Variants in LZTFL1 observed in about 807,000 individuals in gnomAD.
LZTFL1 encodes the protein leucine zipper transcription factor like 1.
Under a neutral mutation model 45.9 loss-of-function variants are expected in LZTFL1, and 25 were observed. That is an observed-to-expected ratio of 0.54 (90% CI 0.40 to 0.76). The LOEUF (loss-of-function observed/expected upper bound fraction) is 0.76, where lower values mean the gene tolerates loss of function less well. Ranked by LOEUF, LZTFL1 falls within the 30% of genes least tolerant of loss-of-function variation. The pLI, the probability that LZTFL1 is intolerant of heterozygous loss-of-function variation, is 0.00. For missense variants in LZTFL1, 277 were observed against 331.1 expected (o/e 0.84, Z 1.27); for synonymous variants, 93 against 117.4 (o/e 0.79, Z 1.35).
chr3:45,907,774 GA>G (rs2125770574), intron 2 of LZTFL1, among the ~76,000 whole-genome samples: 2 of 152,250 alleles, frequency 1.3e-5, no homozygotes, highest in South Asian at 4.2e-4. Flanking sequence ...CCTACTGATT[GA>G]TCCTCTGACT....
intron 2 of LZTFL1, among the ~76,000 whole-genome samples, chr3:45,881,142 C>T (rs1438328887): frequency 1.3e-5 from 2 of 152,220 alleles, no homozygotes; most frequent in Non-Finnish European, 2.9e-5. Flanking sequence ...TTGAGGATGA[C>T]ACATATTTCC....
chr3:45,845,666 C>T (rs374646244), upstream of LZTFL1, among the ~76,000 whole-genome samples: 2 of 152,164 alleles, frequency 1.3e-5, no homozygotes, highest in African/African-American at 4.8e-5. Flanking sequence ...TGTGGGTCTT[C>T]CTAGATCTGT....
intron 2 of LZTFL1, among the ~76,000 whole-genome samples, chr3:45,903,863 G>C (rs1166567316): frequency 1.3e-5 from 2 of 152,218 alleles, no homozygotes; most frequent in Non-Finnish European, 2.9e-5. Context: ...GCCATCCATT[G>C]ACCATTTCCA....
Position 45,901,417 on chromosome 3 carries a change from T to G in LZTFL1, c.-215+11703A>C. ...TACCCTAGCGATGAGAGCACCAAAC[T>G]GAAGTCAGCTGTCTTGACCCTGAAG... On this transcript the variant is annotated intron_variant, in intron 2 of 4. Transcript: ENST00000472635. The surrounding 1 kb of genome is among the most constrained non-coding windows in gnomAD (Gnocchi z 4.3). 6.2e-7 allele frequency: 1 copy of G among 1,614,206 alleles called. No homozygotes were observed. The highest frequency in any genetic ancestry group is 8.5e-7 in the Non-Finnish European group (1 of 1,180,028).
chr3:45,904,020 G>A (rs1040310867), intron 2 of LZTFL1, among the ~76,000 whole-genome samples: 1 of 152,168 alleles, frequency 6.6e-6, no homozygotes, highest in African/African-American at 2.4e-5. Context: ...CTGATGCTCT[G>A]TCATGGGAGT....
rs1415054301 is a variant in LZTFL1, at chr3:45,901,287, A to G, written c.-215+11833T>C. On this transcript the variant is annotated intron_variant, in intron 2 of 4. Transcript: ENST00000472635. This position sits in a 1 kb window ranked among gnomAD's most constrained non-coding sequence, Gnocchi z 4.3. ...GGAGAAAAGGCTTTTGTACAGCAAAATGGTTTGCTTTACCATCTGGGTATT... is the reference window on the plus strand; with the variant it reads ...GGAGAAAAGGCTTTTGTACAGCAAAGTGGTTTGCTTTACCATCTGGGTATT... The G allele has an allele frequency of 1.2e-5, 19 of 1,614,208 alleles. No individual in the cohort carries two copies. The highest frequency in any genetic ancestry group is 1.6e-5 in the Non-Finnish European group (19 of 1,180,038).
Position 45,890,345 on chromosome 3 carries a change from TATAAC to T in LZTFL1, c.-215+22770_-215+22774del, listed in dbSNP as rs1163853050. 2.7e-5 allele frequency among the ~76,000 whole-genome samples: 2 copies of T among 74,876 alleles called. 1 individual carries two copies. Among genetic ancestry groups the T allele is most frequent in the Non-Finnish European group, 4.2e-5 (2 of 47,916 alleles). 49.1% of individuals were successfully genotyped at this position (74,876 alleles called of 152,430 possible). A position where few individuals can be genotyped will look rare whatever the true frequency, so the allele number is the denominator to read the frequency against. ...TATAAATATATATATAACATATATA[TATAAC>T]ATATATATATATATAACATATATAA... On this transcript the variant is annotated intron_variant, in intron 2 of 4. Transcript: ENST00000472635.
At position 45,896,785 on chromosome 3, in the gene LZTFL1, C is replaced by T. The variant is rs185066682; in HGVS notation, c.-215+16335G>A. Among the ~76,000 whole-genome samples, 269 of 152,310 alleles carry T rather than the reference C, an allele frequency of 1.8e-3. 1 individual carries two copies. The highest frequency in any genetic ancestry group is 1.6e-3 in the Non-Finnish European group (107 of 68,034). On this transcript the variant is annotated intron_variant, in intron 2 of 4. Coordinates refer to the LZTFL1 transcript ENST00000472635. ...TTCCCCACCTCCCTCCTTCTTGTGC[C>T]CTCTCTTATTCCATCTCCCCCATTG...
intron 2 of LZTFL1, among the ~76,000 whole-genome samples, chr3:45,876,527 C>A (rs929185672): frequency 4.0e-5 from 6 of 150,856 alleles, no homozygotes; most frequent in African/African-American, 1.2e-4. Flanking sequence ...CTGGATAGAC[C>A]CCAGAGGTAA....
At chr3:45,893,947 G>A (rs1199547461) in intron 2 of LZTFL1, among the ~76,000 whole-genome samples, 1 of 152,210 alleles carries the variant, frequency 6.6e-6, no homozygotes, top group Non-Finnish European at 1.5e-5. Context: ...TCATGATGTT[G>A]TTATGGAAAG....
chr3:45,838,616 G>A (rs1215667903), intron 1 of LZTFL1, among the ~76,000 whole-genome samples: 1 of 152,210 alleles, frequency 6.6e-6, no homozygotes, highest in Non-Finnish European at 1.5e-5. Flanking sequence ...ATTTGATTTG[G>A]AAAGAACCAC....
At chr3:45,877,748 T>G (rs1304938107) in intron 2 of LZTFL1, among the ~76,000 whole-genome samples, 3 of 151,378 alleles carry the variant, frequency 2.0e-5, no homozygotes, top group Admixed American at 6.6e-5. Flanking sequence ...TTAGTTTTTT[T>G]TTTTTTTTTT....
chr3:45,914,319 C>T (rs983296889), intron 1 of LZTFL1, among the ~76,000 whole-genome samples: 3 of 150,076 alleles, frequency 2.0e-5, no homozygotes, highest in Non-Finnish European at 4.4e-5. Context: ...CAGGGTCTCA[C>T]TCTGTCCCCC....
At chr3:45,872,479 C>T (rs1382309694) in intron 2 of LZTFL1, among the ~76,000 whole-genome samples, 1 of 152,028 alleles carries the variant, frequency 6.6e-6, no homozygotes, top group Non-Finnish European at 1.5e-5. Flanking sequence ...AATTTATGAG[C>T]GTAGTGAGAT....
exon 2 of LZTFL1, chr3:45,913,150 T>C: frequency 6.5e-7 from 1 of 1,536,000 alleles, no homozygotes; most frequent in South Asian, 1.2e-5. Context: ...TCCTCATCTG[T>C]AAAAGTGGGC....
At chr3:45,851,820 C>A (rs1464323819) in intron 4 of LZTFL1, among the ~76,000 whole-genome samples, 1 of 133,610 alleles carries the variant, frequency 7.5e-6, no homozygotes, top group African/African-American at 2.8e-5. Context: ...TGCACTCCAG[C>A]CTGGGTGACC....
Position 45,841,109 on chromosome 3 carries a change from A to C in LZTFL1, c.3+880T>G, listed in dbSNP as rs72876534. Among the ~76,000 whole-genome samples, 1,447 of 152,346 alleles carry C rather than the reference A, an allele frequency of 9.5e-3. 24 individuals are homozygous for C. The highest frequency in any genetic ancestry group is 0.033 in the African/African-American group (1,367 of 41,574). On this transcript the variant is annotated intron_variant, in intron 1 of 9. Transcript: ENST00000296135. ...TTCTCCTGATATTTTAGGGAAATCA[A>C]GAGAATGAGTGGAGAGGCTCTAAAC...
intron 2 of LZTFL1, among the ~76,000 whole-genome samples, chr3:45,895,444 C>T (rs1237357655): frequency 1.3e-5 from 2 of 152,230 alleles, no homozygotes; most frequent in Non-Finnish European, 2.9e-5. Flanking sequence ...GGCGTGGTAG[C>T]TCACGCCTGT....
In LZTFL1 at chr3:45,901,619, G is replaced by C; in HGVS notation, c.-215+11501C>G. The C allele has an allele frequency of 6.2e-7, 1 of 1,614,236 alleles. No individual in the cohort carries two copies. The highest frequency in any genetic ancestry group is 8.5e-7 in the Non-Finnish European group (1 of 1,180,040). On this transcript the variant is annotated intron_variant, in intron 2 of 4. Coordinates refer to the LZTFL1 transcript ENST00000472635. The surrounding 1 kb of genome is among the most constrained non-coding windows in gnomAD (Gnocchi z 4.3). ...CCTACAACTGCATTTTGTTGGTGCA[G>C]ACCATTGACGCCTATGCCATGTTCA...
Sources: gnomAD v4.1 joint callset for allele counts (sites outside exome capture counted in the v4.1 genomes callset) on GRCh38, gnomAD v4.1.1 for gene constraint, Gnocchi (gnomAD v3.1) non-coding constraint, MANE v1.5 for transcripts, NCBI Gene and HGNC (gene_info 2026-07-23, HGNC 2026-07-21) for gene names.